Variants in LRP1B observed in about 807,000 individuals in gnomAD.
LRP1B encodes LDL receptor related protein 1B.
LRP1B carries 217 observed loss-of-function variants against 556.6 expected under a neutral mutation model. The observed-to-expected ratio is 0.39, with a 90% CI of 0.35 to 0.44. The LOEUF (loss-of-function observed/expected upper bound fraction) is 0.44. Ranked by LOEUF, LRP1B falls within the 20% of genes least tolerant of loss-of-function variation. The pLI, the probability that LRP1B is intolerant of heterozygous loss-of-function variation, is 1.00. For synonymous variants in LRP1B, 2,047 were observed against 1,865.8 expected, an observed-to-expected ratio of 1.10 and a Z score of -2.50; for missense variants, 5,053 against 5,620.8, an observed-to-expected ratio of 0.90 and a Z score of 3.23.
intron 1 of LRP1B, among the ~76,000 whole-genome samples, chr2:141,884,238 T>C (rs899067122): frequency 1.3e-5 from 2 of 152,162 alleles, no homozygotes; most frequent in Middle Eastern, 3.4e-3. Flanking sequence ...TAGCCAGGCA[T>C]GGTAGCATGT....
chr2:140,970,712 ACCTTTTTTTT>A (rs1696387014), intron 18 of LRP1B, among the ~76,000 whole-genome samples: 3 of 126,408 alleles, frequency 2.4e-5, no homozygotes, highest in Non-Finnish European at 4.8e-5. Flanking sequence ...TAATTTTTTA[ACCTTTTTTTT>A]TTTTTTTTTT....
Position 141,861,973 on chromosome 2 carries a change from T to C in LRP1B, c.83-51572A>G, listed in dbSNP as rs141079141. 4.5e-3 allele frequency among the ~76,000 whole-genome samples: 685 copies of C among 152,116 alleles called. 5 individuals are homozygous for C. The highest frequency in any genetic ancestry group is 0.016 in the African/African-American group (663 of 41,526). On this transcript the variant is annotated intron_variant, in intron 1 of 90. Coordinates refer to ENST00000389484, the MANE Select transcript of LRP1B (RefSeq NM_018557.3). Reference sequence around the variant, plus strand: ...GAAAAACAAAATTACAGACCCCTTATGTTGACCTGAATTATGCTTTCATAT... The same window carrying C: ...GAAAAACAAAATTACAGACCCCTTACGTTGACCTGAATTATGCTTTCATAT...
rs570749317 is a variant in LRP1B at position 140,923,977 on chromosome 2, A to G, written c.3137-830T>C. On this transcript the variant is annotated intron_variant, in intron 20 of 90. Transcript: ENST00000389484. ...AATTTGTTTTAAGATCTAATGAGATATATTAATCTGTATTTCCAAATATTA... is the reference window on the plus strand; with the variant it reads ...AATTTGTTTTAAGATCTAATGAGATGTATTAATCTGTATTTCCAAATATTA... 2.0e-4 allele frequency among the ~76,000 whole-genome samples: 31 copies of G among 152,230 alleles called. No homozygotes were observed. The South Asian group carries it at 6.4e-3, about 32-fold the overall frequency.
intron 66 of LRP1B, among the ~76,000 whole-genome samples, chr2:140,439,224 T>C (rs903159157): frequency 1.3e-5 from 2 of 152,276 alleles, no homozygotes; most frequent in East Asian, 3.9e-4. Flanking sequence ...CTGCTACAAT[T>C]GGGATATTCT....
At chr2:140,761,996 T>C (rs1048669474) in intron 35 of LRP1B, among the ~76,000 whole-genome samples, 2 of 152,066 alleles carry the variant, frequency 1.3e-5, no homozygotes, top group African/African-American at 2.4e-5. Context: ...ATGATGATGA[T>C]GATGATGATG....
intron 41 of LRP1B, among the ~76,000 whole-genome samples, chr2:140,636,980 G>A (rs957688847): frequency 6.6e-6 from 1 of 152,106 alleles, no homozygotes; most frequent in Non-Finnish European, 1.5e-5. Context: ...AATATCTTGT[G>A]GGAAAATAAG....
intron 35 of LRP1B, among the ~76,000 whole-genome samples, chr2:140,745,286 T>G (rs1338503278): frequency 6.6e-6 from 1 of 152,172 alleles, no homozygotes; most frequent in Non-Finnish European, 1.5e-5. Flanking sequence ...CCTTTCAAAG[T>G]AATCAACTAT....
intron 1 of LRP1B, among the ~76,000 whole-genome samples, chr2:141,841,445 C>A (rs1242860409): frequency 6.6e-6 from 1 of 152,058 alleles, no homozygotes; most frequent in African/African-American, 2.4e-5. Context: ...TATATTTTTC[C>A]TTCATAATGC....
Position 141,893,182 on chromosome 2 carries a change from C to T in LRP1B, c.83-82781G>A, listed in dbSNP as rs894755759. Among the ~76,000 whole-genome samples the T allele has an allele frequency of 4.6e-5, 7 of 152,204 alleles. 2 individuals are homozygous for T. Among genetic ancestry groups the T allele is most frequent in the East Asian group, 1.9e-4 (1 of 5,174 alleles). ...ACTATGTCATCTATTAGATGTGCAA[C>T]TCACTAGGGTGTCAGTTTGGACAGG... On this transcript the variant is annotated intron_variant, in intron 1 of 90. Transcript: ENST00000389484.
intron 18 of LRP1B, among the ~76,000 whole-genome samples, chr2:140,954,038 A>T (rs13023968): frequency 6.6e-6 from 1 of 152,170 alleles, no homozygotes; most frequent in Non-Finnish European, 1.5e-5. Context: ...TTTGCAAAGG[A>T]GTACTTTCTT....
chr2:141,013,971 T>C (rs1006310178), intron 13 of LRP1B, among the ~76,000 whole-genome samples: 1 of 152,110 alleles, frequency 6.6e-6, no homozygotes, highest in African/African-American at 2.4e-5. Flanking sequence ...ATTTATTATT[T>C]ATTATTAAAC....
At chr2:141,645,317 T>C (rs1477181798) in intron 2 of LRP1B, among the ~76,000 whole-genome samples, 1 of 152,056 alleles carries the variant, frequency 6.6e-6, no homozygotes, top group Non-Finnish European at 1.5e-5. Flanking sequence ...TTGATTGGAC[T>C]CCACACCATG....
intron 2 of LRP1B, among the ~76,000 whole-genome samples, chr2:141,592,387 G>A (rs189867602): frequency 1.4e-4 from 21 of 152,132 alleles, no homozygotes; most frequent in Non-Finnish European, 1.9e-4. Flanking sequence ...GCACTGTCTT[G>A]GTGTGTCTTC....
At chr2:140,931,334 G>A (rs1451028657) in intron 20 of LRP1B, among the ~76,000 whole-genome samples, 1 of 152,026 alleles carries the variant, frequency 6.6e-6, no homozygotes, top group Non-Finnish European at 1.5e-5. Context: ...CGTCCAGAAC[G>A]TGGCTTTTGT....
intron 6 of LRP1B, among the ~76,000 whole-genome samples, chr2:141,220,020 TCTC>T (rs1379619594): frequency 1.4e-4 from 21 of 152,120 alleles, no homozygotes; most frequent in African/African-American, 5.1e-4. Context: ...GAGTGCCTCT[TCTC>T]CTCCAAATGA....
chr2:141,238,767 G>T (rs531849416), intron 5 of LRP1B, among the ~76,000 whole-genome samples: 14 of 152,218 alleles, frequency 9.2e-5, no homozygotes, highest in African/African-American at 3.4e-4. Flanking sequence ...TTGAGAAAAA[G>T]AGTGCAGTGA....
intron 1 of LRP1B, among the ~76,000 whole-genome samples, chr2:142,073,965 C>T (rs565590227): frequency 1.0e-3 from 153 of 152,072 alleles, no homozygotes; most frequent in Non-Finnish European, 1.9e-3. Flanking sequence ...TGGAAGGAAT[C>T]GTGAGCCAAT....
In LRP1B at chr2:141,890,323, C is replaced by CATACATATATAT. The variant is rs1170715951; in HGVS notation, c.83-79923_83-79922insATATATATGTAT. On this transcript the variant is annotated intron_variant, in intron 1 of 90. Transcript: ENST00000389484. ...GGCTGTCACAGGTAAGGGCACAATA[C>CATACATATATAT]ATATATATATATATATATATATATA... 3.1e-3 allele frequency among the ~76,000 whole-genome samples: 263 copies of CATACATATATAT among 83,800 alleles called. 1 individual carries two copies. Among genetic ancestry groups the CATACATATATAT allele is most frequent in the African/African-American group, 0.011 (241 of 22,830 alleles). The allele number at this position is 83,800 out of a possible 152,430, so 55.0% of individuals were successfully genotyped here.
intron 60 of LRP1B, among the ~76,000 whole-genome samples, chr2:140,468,346 A>C (rs1376890510): frequency 1.3e-5 from 2 of 152,322 alleles, no homozygotes; most frequent in Non-Finnish European, 2.9e-5. Context: ...AAATTTCAAA[A>C]AATGCCACAG....
Sources: allele counts gnomAD v4.1 joint callset (sites outside exome capture counted in the v4.1 genomes callset), GRCh38; gene constraint gnomAD v4.1.1; transcripts MANE v1.5; gene names NCBI Gene and HGNC (gene_info 2026-07-23, HGNC 2026-07-21).